Variants in SCN10A observed in about 807,000 individuals in gnomAD.
SCN10A encodes the protein sodium voltage-gated channel alpha subunit 10, also known as sodium channel protein type 10 subunit alpha.
In SCN10A, 162 loss-of-function variants were observed where a neutral mutation model predicts 170.7. The ratio of observed to expected loss-of-function variants is 0.95; its 90% confidence interval spans 0.84 to 1.08. SCN10A has a LOEUF of 1.08. Among genes scored for constraint, SCN10A ranks in the 50% least tolerant of loss-of-function variants. The probability of loss-of-function intolerance (pLI) is 0.00; values close to 1 mark genes in which losing one functional copy is unlikely to be tolerated. For missense variants in SCN10A, 2,527 were observed against 2,436.9 expected (o/e 1.04, Z -0.78); for synonymous variants, 985 against 904.6 (o/e 1.09, Z -1.59).
chr3:38,703,083 G>A (rs72864377), intron 26 of SCN10A, among the ~76,000 whole-genome samples: 4,996 of 152,148 alleles, frequency 0.033, 268 homozygotes, highest in African/African-American at 0.11. Flanking sequence ...TAGGCCTGGC[G>A]TTCTCCTTGT....
In SCN10A at chr3:38,701,942, G is replaced by A; in HGVS notation, c.4554C>T (p.Val1518=). ...LGKINQFFVA[V]FTGECVMKMF... The stretch of plus-strand genomic sequence containing the variant: ...TCTTCATGACACATTCGCCTGTGAA[G>A]ACGGCCACAAAGAACTGGTTGATTT... Residue 1518 remains valine (V), a synonymous_variant, in exon 27 of 28, where the codon GTC becomes GTT. Transcript: ENST00000449082. 1 of 1,614,206 alleles carries A rather than the reference G, an allele frequency of 6.2e-7. No homozygotes were observed. Among genetic ancestry groups the A allele is most frequent in the Non-Finnish European group, 8.5e-7 (1 of 1,180,028 alleles).
At chr3:38,798,672 G>T (rs2064354223) in intron 1 of SCN10A, among the ~76,000 whole-genome samples, 1 of 151,932 alleles carries the variant, frequency 6.6e-6, no homozygotes, top group African/African-American at 2.4e-5. Context: ...ATGAGTTTTT[G>T]CAGGTATATT....
rs1473445706 is a variant in SCN10A, at chr3:38,777,226, T to C, written c.471-5819A>G. Among the ~76,000 whole-genome samples, 5 of 152,184 alleles carry C rather than the reference T, an allele frequency of 3.3e-5. No individual in the cohort carries two copies. In the South Asian group the frequency reaches 1.0e-3, roughly 32 times the overall value. ...AATCATAAAGGAAGAAACAAGTTTGTCATTATTTGCAGATAATATAACTGT... is the reference window on the plus strand; with the variant it reads ...AATCATAAAGGAAGAAACAAGTTTGCCATTATTTGCAGATAATATAACTGT... On this transcript the variant is annotated intron_variant, in intron 4 of 27. Transcript: ENST00000449082.
intron 5 of SCN10A, 53 bp from the exon 6 acceptor site, chr3:38,763,649 C>G (rs2063900930): frequency 7.6e-7 from 1 of 1,322,978 alleles, no homozygotes; most frequent in Non-Finnish European, 1.1e-6. Flanking sequence ...CCTGGGGATG[C>G]ATGCAGCATA....
intron 1 of SCN10A, among the ~76,000 whole-genome samples, chr3:38,808,638 T>C (rs2064421212): frequency 6.6e-6 from 1 of 152,238 alleles, no homozygotes; most frequent in African/African-American, 2.4e-5. Flanking sequence ...GTCATGAATG[T>C]GCACTGTGAC....
chr3:38,788,458 C>T (rs145623369), intron 4 of SCN10A, among the ~76,000 whole-genome samples: 1 of 152,294 alleles, frequency 6.6e-6, no homozygotes, highest in East Asian at 1.9e-4. Flanking sequence ...TAAACAGCTT[C>T]ATTTATGAGT....
chr3:38,736,185 T>A (rs2063558331), intron 15 of SCN10A, among the ~76,000 whole-genome samples: 2 of 152,192 alleles, frequency 1.3e-5, no homozygotes, highest in Admixed American at 6.5e-5. Context: ...AGTAGGCCTT[T>A]TTGGCTGGAG....
intron 2 of SCN10A, among the ~76,000 whole-genome samples, chr3:38,793,351 T>A (rs6599261): frequency 0.36 from 55,177 of 151,880 alleles, 10,443 homozygotes; most frequent in Admixed American, 0.44. Flanking sequence ...TGAGGACCAC[T>A]GGCTTAAATT....
chr3:38,733,608 T>C (rs1332439139), intron 15 of SCN10A, among the ~76,000 whole-genome samples: 3 of 152,188 alleles, frequency 2.0e-5, no homozygotes, highest in Admixed American at 6.5e-5. Context: ...CACGACCTCC[T>C]GGGCTCAAGT....
In SCN10A at chr3:38,815,163, A is replaced by T. The variant is rs560809188; in HGVS notation, c.-33+874T>A. On this transcript the variant is annotated intron_variant, in intron 1 of 27. Transcript: ENST00000449082. Reference sequence around the variant, plus strand: ...GAAATTTCTGAATGAGGCATTCTGGATTACAGATTTGGGGTTAAAAACAAA... The same window carrying T: ...GAAATTTCTGAATGAGGCATTCTGGTTTACAGATTTGGGGTTAAAAACAAA... Among the ~76,000 whole-genome samples, 4 of 152,326 alleles carry T rather than the reference A, an allele frequency of 2.6e-5. No individual in the cohort carries two copies. The South Asian group carries it at 8.3e-4, about 32-fold the overall frequency.
intron 1 of SCN10A, among the ~76,000 whole-genome samples, chr3:38,801,425 A>G (rs1019802376): frequency 6.6e-6 from 1 of 152,216 alleles, no homozygotes. Flanking sequence ...GCTTACTGTG[A>G]TATAAAGATG....
At chr3:38,807,549 G>C (rs73826369) in intron 1 of SCN10A, among the ~76,000 whole-genome samples, 16,567 of 152,054 alleles carry the variant, frequency 0.11, 996 homozygotes, top group South Asian at 0.21. Context: ...TCCTCTCTCT[G>C]TTCCATATGA....
In SCN10A at chr3:38,756,638, G is replaced by A. The variant is rs1357036357; in HGVS notation, c.1290+36C>T. The A allele has an allele frequency of 1.0e-5, 16 of 1,562,842 alleles. No individual in the cohort carries two copies. In the Admixed American group the frequency reaches 1.2e-4, roughly 11 times the overall value. Reference sequence around the variant, plus strand: ...AACAGTATCCAAGAATGGACAGTCTGCAACCTTCTTCACAAAGCTTCCACT... The same window carrying A: ...AACAGTATCCAAGAATGGACAGTCTACAACCTTCTTCACAAAGCTTCCACT... On this transcript the variant is annotated intron_variant, in intron 10 of 27. Coordinates refer to ENST00000449082, the MANE Select transcript of SCN10A (RefSeq NM_006514.4).
intron 6 of SCN10A, 117 bp downstream of exon 6, chr3:38,763,388 T>C (rs755191658): frequency 1.4e-5 from 11 of 806,378 alleles, no homozygotes; most frequent in Middle Eastern, 4.6e-4. Flanking sequence ...CTCAGTTCCT[T>C]TGTCTTGTAA....
intron 22 of SCN10A, among the ~76,000 whole-genome samples, chr3:38,713,002 T>A (rs868161058): frequency 2.0e-5 from 3 of 152,348 alleles, no homozygotes; most frequent in South Asian, 4.1e-4. Context: ...CCACTTTTGT[T>A]TTTGAAGCTA....
At chr3:38,711,188 T>C (rs1483298415) in intron 23 of SCN10A, among the ~76,000 whole-genome samples, 1 of 152,230 alleles carries the variant, frequency 6.6e-6, no homozygotes. Flanking sequence ...TAGTGCCAAT[T>C]GCTACAAGTC....
chr3:38,726,985 T>C lies in SCN10A; in HGVS notation c.2708A>G (p.Asp903Gly). The C allele has an allele frequency of 6.2e-7, 1 of 1,614,194 alleles. No individual in the cohort carries two copies. Among genetic ancestry groups the C allele is most frequent in the Non-Finnish European group, 8.5e-7 (1 of 1,180,006 alleles). ...CTGCAGGTTGTTCACCTCCCCATCG[T>C]CCTCCGGGGCTGTGAGGTTGTCAGC... ...FSADNLTAPE[D>G]DGEVNNLQVA... Residue 903 changes from aspartate to glycine, a missense_variant, in exon 17 of 28, where the codon GAC becomes GGC. By Grantham distance (94) the Asp-to-Gly change is moderately conservative (BLOSUM62 -1). Coordinates refer to ENST00000449082, the MANE Select transcript of SCN10A (RefSeq NM_006514.4).
chr3:38,801,959 C>A (rs957676680), intron 1 of SCN10A, among the ~76,000 whole-genome samples: 13 of 152,146 alleles, frequency 8.5e-5, no homozygotes, highest in African/African-American at 2.9e-4. Context: ...CTTTAATGCT[C>A]CATAAACACC....
In SCN10A at chr3:38,752,363, CAG is replaced by C. The variant is rs1180131606; in HGVS notation, c.1609_1610del (p.Leu537AlafsTer14). 1.2e-6 allele frequency: 2 copies of C among 1,613,954 alleles called. No homozygotes were observed. Among genetic ancestry groups the C allele is most frequent in the South Asian group, 2.2e-5 (2 of 90,992 alleles). ...PGDHESHRGS[L>X]LLGGGAGQQG... ...GCTGGCCAGCACCCCCACCCAGCAG[CAG>C]AGAGCCCCGATGGCTTTCGTGGTCT... is the stretch of plus-strand genomic sequence containing the variant. On this transcript the variant is annotated frameshift_variant, in exon 12 of 28. Coordinates refer to ENST00000449082, the MANE Select transcript of SCN10A (RefSeq NM_006514.4). LOFTEE classifies it high-confidence loss of function.
Sources: gnomAD v4.1 joint callset for allele counts (sites outside exome capture counted in the v4.1 genomes callset) on GRCh38, gnomAD v4.1.1 for gene constraint, MANE v1.5 for transcripts, NCBI Gene and HGNC (gene_info 2026-07-23, HGNC 2026-07-21) for gene names.